Variants in SORCS3 observed in about 807,000 individuals in gnomAD.
SORCS3 encodes the protein VPS10 domain-containing receptor SorCS3.
In SORCS3, 57 loss-of-function variants were observed where a neutral mutation model predicts 146.3. That is an observed-to-expected ratio of 0.39 (90% CI 0.31 to 0.49). The LOEUF (loss-of-function observed/expected upper bound fraction) is 0.49, where lower values mean the gene tolerates loss of function less well. SORCS3 is among the 20% of genes least tolerant of loss of function. The pLI is 0.92. For missense variants in SORCS3, 1,341 were observed against 1,575.5 expected, an observed-to-expected ratio of 0.85 and a Z score of 2.52; for synonymous variants, 653 against 618.5, an observed-to-expected ratio of 1.06 and a Z score of -0.83.
intron 8 of SORCS3, 120 bp from the exon 9 acceptor site, chr10:105,147,497 C>T: frequency 1.3e-6 from 1 of 770,668 alleles, no homozygotes; most frequent in Non-Finnish European, 2.0e-6. Flanking sequence ...AATTGTTTAA[C>T]ATTGCCTATA....
intron 14 of SORCS3, among the ~76,000 whole-genome samples, chr10:105,193,608 G>C (rs1036019738): frequency 6.6e-6 from 1 of 152,182 alleles, no homozygotes; most frequent in African/African-American, 2.4e-5. Flanking sequence ...CACATTCCCT[G>C]TAGGCTATTT....
intron 7 of SORCS3, among the ~76,000 whole-genome samples, chr10:105,132,501 C>T (rs1437934994): frequency 4.6e-5 from 7 of 152,146 alleles, no homozygotes; most frequent in East Asian, 1.9e-4. Context: ...AAATCCCCAA[C>T]GGGAGCTAGG....
At chr10:104,759,773 C>G (rs1194867123) in intron 1 of SORCS3, among the ~76,000 whole-genome samples, 1 of 152,108 alleles carries the variant, frequency 6.6e-6, no homozygotes, top group Admixed American at 6.5e-5. Context: ...GCTGATTCAC[C>G]AGGTGTTCTG....
chr10:104,721,942 C>T (rs1043434470), intron 1 of SORCS3, among the ~76,000 whole-genome samples: 1 of 152,184 alleles, frequency 6.6e-6, no homozygotes, highest in African/African-American at 2.4e-5. Context: ...ATTTGACTTC[C>T]TCTTTTCCTA....
rs112601344 is a variant in SORCS3, at chr10:105,016,158, T to A, written c.955-26897T>A. Among the ~76,000 whole-genome samples, 1,282 of 135,222 alleles carry A rather than the reference T, an allele frequency of 9.5e-3. 7 individuals carry two copies. Among genetic ancestry groups the A allele is most frequent in the African/African-American group, 0.027 (920 of 34,632 alleles). The allele number at this position is 135,222 out of a possible 152,430, so 88.7% of individuals were successfully genotyped here. A position where few individuals can be genotyped will look rare whatever the true frequency, so the allele number is the denominator to read the frequency against. On this transcript the variant is annotated intron_variant, in intron 4 of 26. Coordinates refer to ENST00000369701, the MANE Select transcript of SORCS3 (RefSeq NM_014978.3). Reference sequence around the variant, plus strand: ...AAATATATATATATATATATATATTTTTTTTTTTTTTTGAGATGGAGTCTC... The same window carrying A: ...AAATATATATATATATATATATATTATTTTTTTTTTTTGAGATGGAGTCTC...
intron 1 of SORCS3, among the ~76,000 whole-genome samples, chr10:104,723,482 A>G (rs536423869): frequency 6.6e-6 from 1 of 152,148 alleles, no homozygotes; most frequent in Admixed American, 6.5e-5. Context: ...AGTGCTGTAG[A>G]TGTCTATTAG....
chr10:104,641,592 C>T lies in SORCS3; in HGVS notation c.265C>T (p.Leu89=). 1 of 1,513,170 alleles carries T rather than the reference C, an allele frequency of 6.6e-7. No individual in the cohort carries two copies. The highest frequency in any genetic ancestry group is 8.8e-7 in the Non-Finnish European group (1 of 1,138,080). 93.7% of individuals were successfully genotyped at this position (1,513,170 alleles called of 1,614,324 possible). A position where few individuals can be genotyped will look rare whatever the true frequency, so the allele number is the denominator to read the frequency against. ...AVLGRRAGPE[L]LPQQGGGRGG... is the part of the protein sequence containing the mutation. ...GCTGGGGCGCCGGGCCGGACCAGAG[C>T]TGCTGCCCCAGCAGGGCGGCGGCAG... The change falls in exon 1 of 27, where the codon CTG becomes TTG. Residue 89 remains leucine, a synonymous_variant. Transcript: ENST00000369701. The surrounding 1 kb of genome is among the most constrained non-coding windows in gnomAD (Gnocchi z 6.4).
At chr10:105,242,484 T>TTA (rs1229191700) in intron 20 of SORCS3, among the ~76,000 whole-genome samples, 6,808 of 78,890 alleles carry the variant, frequency 0.086, 305 homozygotes, top group African/African-American at 0.093. Context: ...ATTTATATAT[T>TTA]TATATATTTA....
intron 13 of SORCS3, among the ~76,000 whole-genome samples, chr10:105,177,847 A>G (rs1031607658): frequency 8.5e-5 from 13 of 152,118 alleles, no homozygotes; most frequent in Admixed American, 5.9e-4. Context: ...GTGTTGAAAT[A>G]TATCTGCAAC....
intron 2 of SORCS3, among the ~76,000 whole-genome samples, chr10:104,862,974 G>C (rs570990048): frequency 6.6e-6 from 1 of 152,274 alleles, no homozygotes; most frequent in African/African-American, 2.4e-5. Flanking sequence ...TGTCGAGGAA[G>C]CTGTGACATT....
At chr10:105,255,264 T>C (rs1334787677) in intron 23 of SORCS3, among the ~76,000 whole-genome samples, 3 of 149,704 alleles carry the variant, frequency 2.0e-5, no homozygotes, top group African/African-American at 4.9e-5. Context: ...TAGGTGGGAA[T>C]TGAACAATGA....
chr10:105,200,323 C>A (rs2056567328), intron 15 of SORCS3, among the ~76,000 whole-genome samples: 1 of 152,182 alleles, frequency 6.6e-6, no homozygotes, highest in African/African-American at 2.4e-5. Context: ...CCCTGGGATC[C>A]TATCTACTAA....
chr10:105,031,580 C>G (rs568360874), intron 4 of SORCS3, among the ~76,000 whole-genome samples: 1 of 152,304 alleles, frequency 6.6e-6, no homozygotes, highest in Non-Finnish European at 1.5e-5. Context: ...TGAAACACAT[C>G]ACATTACTCC....
At chr10:105,249,346 G>T (rs907313307) in intron 22 of SORCS3, among the ~76,000 whole-genome samples, 6 of 152,194 alleles carry the variant, frequency 3.9e-5, no homozygotes, top group Admixed American at 2.6e-4. Context: ...AGGGAGAGAT[G>T]TAAGAGAAGA....
chr10:104,911,094 T>C (rs1027032444), intron 2 of SORCS3, among the ~76,000 whole-genome samples: 1 of 152,246 alleles, frequency 6.6e-6, no homozygotes, highest in Admixed American at 6.5e-5. Flanking sequence ...TTTGCTTTCT[T>C]GTAAGAGCAA....
chr10:105,263,158 A>G, intron 26 of SORCS3, 152 bp from the exon 27 acceptor site: 1 of 639,794 alleles, frequency 1.6e-6, no homozygotes, highest in Non-Finnish European at 2.7e-6. Context: ...TAAGTCAGTG[A>G]GCTGATAGGT....
intron 2 of SORCS3, among the ~76,000 whole-genome samples, chr10:104,848,449 T>A (rs999223196): frequency 2.0e-5 from 3 of 152,250 alleles, no homozygotes; most frequent in African/African-American, 7.2e-5. Context: ...ATGACACTCA[T>A]GATTTATTTA....
chr10:104,938,419 G>A (rs576669228), intron 3 of SORCS3, among the ~76,000 whole-genome samples: 16 of 152,274 alleles, frequency 1.1e-4, no homozygotes, highest in African/African-American at 3.1e-4. Context: ...AAGCTCCTTC[G>A]TAATGTACAC....
chr10:104,797,903 G>A (rs1589503084), intron 1 of SORCS3, among the ~76,000 whole-genome samples: 2 of 152,288 alleles, frequency 1.3e-5, no homozygotes, highest in East Asian at 3.9e-4. Context: ...ATACTCACAT[G>A]CAGTTTTCTG....
Sources: allele counts gnomAD v4.1 joint callset (sites outside exome capture counted in the v4.1 genomes callset), GRCh38; gene constraint gnomAD v4.1.1; non-coding constraint Gnocchi (gnomAD v3.1); transcripts MANE v1.5; gene names NCBI Gene and HGNC (gene_info 2026-07-23, HGNC 2026-07-21).